The following BRDT variants were observed in gnomAD, a reference collection of about 807,000 sequenced individuals.
BRDT encodes bromodomain testis associated, also known as bromodomain testis-specific protein.
BRDT carries 77 observed loss-of-function variants against 113.9 expected under a neutral mutation model. The ratio of observed to expected loss-of-function variants is 0.68; its 90% CI spans 0.56 to 0.82. The LOEUF (loss-of-function observed/expected upper bound fraction) is 0.82. BRDT is among the 40% of genes least tolerant of loss of function. The probability of loss-of-function intolerance (pLI) is 0.00; values close to 1 mark genes in which losing one functional copy is unlikely to be tolerated. For synonymous variants in BRDT, 358 were observed against 366.5 expected (o/e 0.98, Z 0.26); for missense variants, 1,027 against 1,105.4 (o/e 0.93, Z 1.01).
At chr1:91,996,297 G>A (rs892174361) in intron 15 of BRDT, among the ~76,000 whole-genome samples, 1 of 152,050 alleles carries the variant, frequency 6.6e-6, no homozygotes, top group African/African-American at 2.4e-5. Flanking sequence ...TGCCCAGGCT[G>A]GAGTGTAGTA....
intron 12 of BRDT, among the ~76,000 whole-genome samples, chr1:91,985,628 A>G (rs1401125013): frequency 7.4e-6 from 1 of 135,430 alleles, no homozygotes; most frequent in Non-Finnish European, 1.6e-5. Context: ...CAGAGCTTTA[A>G]TTAGTTTTGC....
chr1:91,981,895 G>A, intron 12 of BRDT, 140 bp downstream of exon 12: 1 of 1,184,038 alleles, frequency 8.4e-7, no homozygotes, highest in Non-Finnish European at 1.1e-6. Flanking sequence ...ATTGCATGTT[G>A]ACAATCTTAG....
Position 91,994,266 on chromosome 1 carries a change from A to C in BRDT, c.2287+12A>C. 1 of 1,583,850 alleles carries C rather than the reference A, an allele frequency of 6.3e-7. No homozygotes were observed. Among genetic ancestry groups the C allele is most frequent in the Non-Finnish European group, 8.6e-7 (1 of 1,160,638 alleles). ...TCTGCCTCCCTCAGGTAAGAAATTA[A>C]CAAGTAAACAACTGTTATTGAGAAA... On this transcript the variant is annotated intron_variant, in intron 15 of 18. Transcript: ENST00000399546.
intron 1 of BRDT, among the ~76,000 whole-genome samples, chr1:91,951,891 C>CA (rs931894426): frequency 5.3e-5 from 8 of 151,180 alleles, no homozygotes; most frequent in African/African-American, 1.7e-4. Flanking sequence ...ACTAAAAATA[C>CA]AAAAAAAATT....
intron 15 of BRDT, among the ~76,000 whole-genome samples, chr1:91,997,959 T>C (rs1224632332): frequency 1.3e-5 from 2 of 152,230 alleles, no homozygotes; most frequent in Non-Finnish European, 2.9e-5. Context: ...AGTTTTCTTA[T>C]TGGAAAAATA....
At chr1:91,978,107 C>A in intron 6 of BRDT, 61 bp from the exon 7 acceptor site, 1 of 1,431,744 alleles carries the variant, frequency 7.0e-7, no homozygotes, top group Non-Finnish European at 9.7e-7. Context: ...ATTTAATGTA[C>A]GTGGTCAAAT....
rs1389794099 is a variant in BRDT, at chr1:91,972,293, C to CT, written c.446-3971dup. Among the ~76,000 whole-genome samples the CT allele has an allele frequency of 8.5e-5, 13 of 152,300 alleles. No homozygotes were observed. The East Asian group carries it at 2.5e-3, about 29-fold the overall frequency. On this transcript the variant is annotated intron_variant, in intron 4 of 18. Transcript: ENST00000399546. Reference sequence around the variant, plus strand: ...ATAGTTCTCTTGACCTGGCTGGCTACTTCTTACCTTTATAGTGACATCTTA... The same window carrying CT: ...ATAGTTCTCTTGACCTGGCTGGCTACTTTCTTACCTTTATAGTGACATCTTA...
intron 12 of BRDT, among the ~76,000 whole-genome samples, chr1:91,988,535 G>A (rs1685473418): frequency 6.6e-6 from 1 of 151,970 alleles, no homozygotes; most frequent in African/African-American, 2.4e-5. Context: ...CGAGTAGCTG[G>A]GATTACAGGT....
intron 15 of BRDT, among the ~76,000 whole-genome samples, chr1:91,996,350 G>T (rs1226420122): frequency 1.3e-5 from 2 of 152,170 alleles, no homozygotes; most frequent in Non-Finnish European, 2.9e-5. Context: ...CCGGGTTCAA[G>T]CAATTCTCAT....
chr1:92,011,978 G>A (rs1172392240), intron 18 of BRDT, among the ~76,000 whole-genome samples: 1 of 152,206 alleles, frequency 6.6e-6, no homozygotes, highest in African/African-American at 2.4e-5. Context: ...GGAATAGCCA[G>A]CTTATGGTGT....
intron 4 of BRDT, among the ~76,000 whole-genome samples, chr1:91,969,528 GC>G (rs1173978041): frequency 6.6e-6 from 1 of 152,034 alleles, no homozygotes; most frequent in Non-Finnish European, 1.5e-5. Flanking sequence ...TGAGACCTAG[GC>G]TTCTACAAGA....
chr1:91,985,988 C>A (rs1187919846), intron 12 of BRDT, among the ~76,000 whole-genome samples: 1 of 152,166 alleles, frequency 6.6e-6, no homozygotes, highest in African/African-American at 2.4e-5. Flanking sequence ...CATGTCATTG[C>A]AAATTTTAAT....
At chr1:91,968,470 C>A (rs931893560) in intron 4 of BRDT, among the ~76,000 whole-genome samples, 1 of 152,178 alleles carries the variant, frequency 6.6e-6, no homozygotes, top group Non-Finnish European at 1.5e-5. Context: ...TTGATTATGG[C>A]CTCAGAGCCA....
chr1:92,004,174 A>G (rs757164478), intron 16 of BRDT, among the ~76,000 whole-genome samples: 5 of 152,144 alleles, frequency 3.3e-5, no homozygotes, highest in South Asian at 2.1e-4. Context: ...ATAATTGGCA[A>G]GTGTGCTACT....
At chr1:91,956,383 C>T (rs1681771014) in intron 1 of BRDT, among the ~76,000 whole-genome samples, 1 of 148,184 alleles carries the variant, frequency 6.7e-6, no homozygotes, top group Non-Finnish European at 1.5e-5. Flanking sequence ...TTCTTATTTT[C>T]TGTAATGACC....
At chr1:91,964,858 T>G in intron 3 of BRDT, 94 bp downstream of exon 3, 2 of 1,003,840 alleles carry the variant, frequency 2.0e-6, no homozygotes, top group Non-Finnish European at 2.7e-6. Context: ...ATTTCAATTC[T>G]CTTCGTTTGA....
In BRDT at chr1:91,962,901, A is replaced by G. The variant is rs138654452; in HGVS notation, c.147A>G (p.Ser49=). ...AGGATTTATGGAAGCATAGTTTTTC[A>G]TGGCCCTTTCAACGTCCTGTGGATG... is the stretch of plus-strand genomic sequence containing the variant. ...VLKDLWKHSF[S]WPFQRPVDAV... Residue 49 remains serine, a synonymous_variant, in exon 2 of 19, where the codon TCA becomes TCG. Transcript: ENST00000399546. 38 of 1,611,830 alleles carry G rather than the reference A, an allele frequency of 2.4e-5. No homozygotes were observed. The African/African-American group carries it at 4.4e-4, about 19-fold the overall frequency.
At chr1:91,951,763 G>A (rs1681112725) in intron 1 of BRDT, among the ~76,000 whole-genome samples, 1 of 151,764 alleles carries the variant, frequency 6.6e-6, no homozygotes, top group Non-Finnish European at 1.5e-5. Context: ...GACAGAGTGA[G>A]ACTCCAAAGT....
At chr1:91,961,998 AGCCGGGCGTAGTGGAGGGC>A (rs1682503781) in intron 1 of BRDT, among the ~76,000 whole-genome samples, 2 of 151,504 alleles carry the variant, frequency 1.3e-5, no homozygotes, top group African/African-American at 4.8e-5. Context: ...ACAAAAAGTT[AGCCGGGCGTAGTGGAGGGC>A]GCCTGTAGTC....
Sources: allele counts gnomAD v4.1 joint callset (sites outside exome capture counted in the v4.1 genomes callset), GRCh38; gene constraint gnomAD v4.1.1; transcripts MANE v1.5; gene names NCBI Gene and HGNC (gene_info 2026-07-23, HGNC 2026-07-21).